BANP: variants seen among roughly 807,000 people sequenced by gnomAD.
BANP encodes the protein BTG3 associated nuclear protein.
BANP carries 11 observed loss-of-function variants against 68.1 expected under a neutral mutation model. The observed-to-expected ratio is 0.16, with a 90% CI of 0.10 to 0.27. The LOEUF (loss-of-function observed/expected upper bound fraction) is 0.27, where lower values mean the gene tolerates loss of function less well. Among genes scored for constraint, BANP ranks in the 10% least tolerant of loss-of-function variants. The pLI is 1.00. For missense variants in BANP, 504 were observed against 722.7 expected, an observed-to-expected ratio of 0.70 and a Z score of 3.47; for synonymous variants, 329 against 303.2, an observed-to-expected ratio of 1.09 and a Z score of -0.88.
At chr16:88,063,696 C>T (rs2152885682) in intron 11 of BANP, among the ~76,000 whole-genome samples, 1 of 152,332 alleles carries the variant, frequency 6.6e-6, no homozygotes, top group African/African-American at 2.4e-5. Context: ...CTGCCCTCCT[C>T]TGGCTGTGGA....
At chr16:87,978,916 G>A (rs757772640) in intron 2 of BANP, among the ~76,000 whole-genome samples, 1 of 152,182 alleles carries the variant, frequency 6.6e-6, no homozygotes, top group Non-Finnish European at 1.5e-5. Context: ...GCCACAGTGT[G>A]GTCCCAACCT....
intron 11 of BANP, among the ~76,000 whole-genome samples, chr16:88,040,774 C>T (rs1157770000): frequency 1.3e-5 from 2 of 152,276 alleles, no homozygotes; most frequent in Non-Finnish European, 1.5e-5. Context: ...GGAGACCCTG[C>T]AGCCCACGCT....
chr16:88,037,098 C>T (rs1194915086), intron 10 of BANP, among the ~76,000 whole-genome samples: 1 of 152,076 alleles, frequency 6.6e-6, no homozygotes, highest in African/African-American at 2.4e-5. Flanking sequence ...TGAAGTTCGT[C>T]AGAATGCTTA....
At chr16:87,958,857 A>C (rs2058594031) in intron 1 of BANP, among the ~76,000 whole-genome samples, 1 of 152,244 alleles carries the variant, frequency 6.6e-6, no homozygotes, top group Admixed American at 6.5e-5. Flanking sequence ...TCAGCGGCAC[A>C]AACTCACAGC....
intron 1 of BANP, among the ~76,000 whole-genome samples, chr16:87,971,026 A>G (rs1024380498): frequency 6.6e-6 from 1 of 151,850 alleles, no homozygotes. Context: ...CAAAAAAAAA[A>G]AAAAGAACTC....
intron 6 of BANP, among the ~76,000 whole-genome samples, chr16:88,006,971 G>C (rs906912586): frequency 7.6e-6 from 1 of 130,812 alleles, no homozygotes. Flanking sequence ...AAAAAAAAAA[G>C]ATAGTGATAC....
At chr16:88,050,642 A>G (rs1021096351) in intron 11 of BANP, among the ~76,000 whole-genome samples, 7 of 151,978 alleles carry the variant, frequency 4.6e-5, no homozygotes, top group Admixed American at 2.6e-4. Context: ...GCACTCAGAA[A>G]CCCATCATTT....
At chr16:88,005,986 C>T in intron 5 of BANP, 104 bp from the exon 6 acceptor site, 1 of 1,352,672 alleles carries the variant, frequency 7.4e-7, no homozygotes, top group Admixed American at 1.7e-5. Context: ...GTGTGATCCA[C>T]TGGTCCACAC....
intron 6 of BANP, among the ~76,000 whole-genome samples, chr16:88,009,185 A>G (rs1203297974): frequency 1.3e-5 from 2 of 152,232 alleles, no homozygotes; most frequent in Non-Finnish European, 2.9e-5. Flanking sequence ...TGGGGCCAGC[A>G]TCTTCCTGCC....
chr16:88,075,877 GC>G (rs758399709), intron 13 of BANP, among the ~76,000 whole-genome samples: 5 of 151,098 alleles, frequency 3.3e-5, no homozygotes, highest in Admixed American at 6.6e-5. Flanking sequence ...TTCCCTAGCA[GC>G]TGGGACTACA....
rs146191794 is a variant in BANP at position 88,065,511 on chromosome 16, A to G, written c.1377+179A>G. 3.5e-4 allele frequency among the ~76,000 whole-genome samples: 54 copies of G among 152,274 alleles called. No homozygotes were observed. In the East Asian group the frequency reaches 0.01, roughly 29 times the overall value. ...TTTGCCCATGTAAAGTAACACCTAA[A>G]CAGGGCCCAGGGATTGGGACCTGGG... On this transcript the variant is annotated intron_variant, in intron 12 of 13. Transcript: ENST00000682872.
At position 88,064,201 on chromosome 16, in the gene BANP, G is replaced by A. The variant is rs1567919925; in HGVS notation, c.1312-1066G>A. On this transcript the variant is annotated intron_variant, in intron 11 of 13. Transcript: ENST00000682872. The surrounding 1 kb of genome is among the most constrained non-coding windows in gnomAD (Gnocchi z 4.5). Reference sequence around the variant, plus strand: ...GGTGTCGGGGGCTTGAGAGGCGCAGGGGAGCAGGGGGGGAGAGTGGACAGC... The same window carrying A: ...GGTGTCGGGGGCTTGAGAGGCGCAGAGGAGCAGGGGGGGAGAGTGGACAGC... Among the ~76,000 whole-genome samples the A allele has an allele frequency of 6.6e-6, 1 of 151,812 alleles. No homozygotes were observed. The highest frequency in any genetic ancestry group is 1.5e-5 in the Non-Finnish European group (1 of 67,926).
intron 4 of BANP, among the ~76,000 whole-genome samples, chr16:88,001,637 T>C (rs1427648446): frequency 6.6e-6 from 1 of 151,910 alleles, no homozygotes; most frequent in East Asian, 1.9e-4. Flanking sequence ...TACAGCATAT[T>C]ATAATATTGA....
chr16:87,983,817 C>T (rs1039721856), intron 3 of BANP, among the ~76,000 whole-genome samples: 1 of 152,164 alleles, frequency 6.6e-6, no homozygotes, highest in Non-Finnish European at 1.5e-5. Context: ...ATTGCAACTG[C>T]ACGTAGAAGT....
At position 88,057,223 on chromosome 16, in the gene BANP, G is replaced by A. The variant is rs905156535; in HGVS notation, c.1312-8044G>A. Reference sequence around the variant, plus strand: ...CACAGCTGGCACGGGATGCTTCGAAGTGGGGTACGGGCCAGCCGCCAAGAG... The same window carrying A: ...CACAGCTGGCACGGGATGCTTCGAAATGGGGTACGGGCCAGCCGCCAAGAG... On this transcript the variant is annotated intron_variant, in intron 11 of 13. Coordinates refer to ENST00000682872, the MANE Select transcript of BANP (RefSeq NM_001386991.1). This position sits in a 1 kb window ranked among gnomAD's most constrained non-coding sequence, Gnocchi z 4.6. Among the ~76,000 whole-genome samples the A allele has an allele frequency of 6.6e-6, 1 of 152,222 alleles. No homozygotes were observed. Among genetic ancestry groups the A allele is most frequent in the African/African-American group, 2.4e-5 (1 of 41,452 alleles).
At chr16:87,965,985 T>C (rs1299222207) in intron 1 of BANP, among the ~76,000 whole-genome samples, 2 of 152,202 alleles carry the variant, frequency 1.3e-5, no homozygotes, top group Non-Finnish European at 1.5e-5. Context: ...CCCAACTGTC[T>C]TGGATGTGTT....
intron 1 of BANP, among the ~76,000 whole-genome samples, chr16:87,973,768 A>AAAAAAAAAAGAAAG (rs2061546192): frequency 1.9e-5 from 2 of 104,916 alleles, no homozygotes; most frequent in East Asian, 2.4e-4. Flanking sequence ...AAAAAAAAAA[A>AAAAAAAAAAGAAAG]AAAAAAGAAA....
At chr16:87,966,217 C>G (rs2059988744) in intron 1 of BANP, among the ~76,000 whole-genome samples, 2 of 152,186 alleles carry the variant, frequency 1.3e-5, no homozygotes, top group Admixed American at 6.5e-5. Flanking sequence ...CTTCACCACT[C>G]CTGTTCTGCT....
chr16:87,956,395 G>A (rs569967180), intron 1 of BANP, among the ~76,000 whole-genome samples: 5 of 152,352 alleles, frequency 3.3e-5, no homozygotes, highest in Admixed American at 6.5e-5. Flanking sequence ...CTTCACACGG[G>A]TGACGGTGGT....
Sources: allele counts gnomAD v4.1 joint callset (sites outside exome capture counted in the v4.1 genomes callset), GRCh38; gene constraint gnomAD v4.1.1; non-coding constraint Gnocchi (gnomAD v3.1); transcripts MANE v1.5; gene names NCBI Gene and HGNC (gene_info 2026-07-23, HGNC 2026-07-21).